The following BID variants were observed in gnomAD, a reference collection of about 807,000 sequenced individuals.
The protein encoded by BID is BH3-interacting domain death agonist.
Under a neutral mutation model 17.4 loss-of-function variants are expected in BID, and 19 were observed. The ratio of observed to expected loss-of-function variants is 1.09; its 90% confidence interval spans 0.76 to 1.60. The LOEUF is 1.60. Among genes scored for constraint, BID ranks in the 40% most tolerant of loss-of-function variants. The pLI is 0.00. For missense variants in BID, 226 were observed against 256.0 expected (o/e 0.88, Z 0.80); for synonymous variants, 108 against 102.8 (o/e 1.05, Z -0.31).
In BID at chr22:17,773,617, G is replaced by A; in HGVS notation, c.-59+764C>T. The A allele has an allele frequency of 3.1e-6, 5 of 1,612,460 alleles. No individual in the cohort carries two copies. The highest frequency in any genetic ancestry group is 2.5e-6 in the Non-Finnish European group (3 of 1,179,930). ...AGCCCCCAGCCCACTTACAGAATCC[G>A]CACTGTGCTCCTCCAGCCGGCCCGG... On this transcript the variant is annotated intron_variant, in intron 1 of 5. Coordinates refer to ENST00000622694, the MANE Select transcript of BID (RefSeq NM_001196.4). The surrounding 1 kb of genome is among the most constrained non-coding windows in gnomAD (Gnocchi z 4.4).
At chr22:17,750,298 C>T in intron 1 of BID, 124 bp from the exon 2 acceptor site, 2 of 775,316 alleles carry the variant, frequency 2.6e-6, no homozygotes, top group East Asian at 5.4e-5. Context: ...TGGCCTGAGC[C>T]CCGCATCCTG....
At chr22:17,744,394 T>C (rs2061482088) in intron 2 of BID, among the ~76,000 whole-genome samples, 1 of 152,250 alleles carries the variant, frequency 6.6e-6, no homozygotes, top group Non-Finnish European at 1.5e-5. Flanking sequence ...GCACGCTTTC[T>C]TCAAGTTCCC....
At chr22:17,771,052 A>G (rs1230761367) in intron 1 of BID, among the ~76,000 whole-genome samples, 4 of 152,194 alleles carry the variant, frequency 2.6e-5, no homozygotes, top group African/African-American at 9.6e-5. Context: ...CGTACCTAAA[A>G]GTGACCAGCC....
chr22:17,773,760 T>C lies in BID; in HGVS notation c.-59+621A>G. Reference sequence around the variant, plus strand: ...TTGGTGGCTGAGGGCTTCAGAGCTCTCCCAGGGTCCCCTGGGGTCATTCAG... The same window carrying C: ...TTGGTGGCTGAGGGCTTCAGAGCTCCCCCAGGGTCCCCTGGGGTCATTCAG... On this transcript the variant is annotated intron_variant, in intron 1 of 5. Transcript: ENST00000622694. The surrounding 1 kb of genome is among the most constrained non-coding windows in gnomAD (Gnocchi z 4.4). The C allele has an allele frequency of 7.0e-7, 1 of 1,435,838 alleles. No homozygotes were observed. The highest frequency in any genetic ancestry group is 9.6e-7 in the Non-Finnish European group (1 of 1,044,302). 88.9% of individuals were successfully genotyped at this position (1,435,838 alleles called of 1,614,324 possible).
intron 1 of BID, among the ~76,000 whole-genome samples, chr22:17,763,681 C>T (rs2061658038): frequency 1.3e-5 from 2 of 151,922 alleles, no homozygotes; most frequent in Non-Finnish European, 2.9e-5. Flanking sequence ...CACTCGCGCC[C>T]TTCTATGCTT....
At chr22:17,771,928 C>T (rs559924342) in intron 1 of BID, among the ~76,000 whole-genome samples, 1 of 152,306 alleles carries the variant, frequency 6.6e-6, no homozygotes, top group East Asian at 1.9e-4. Context: ...GGAGCGAGGC[C>T]ACAGAAAGGC....
rs1222956168 is a variant in BID at position 17,773,024 on chromosome 22, C to T, written c.-59+1357G>A. 2.0e-5 allele frequency among the ~76,000 whole-genome samples: 3 copies of T among 152,214 alleles called. No individual in the cohort carries two copies. The highest frequency in any genetic ancestry group is 7.2e-5 in the African/African-American group (3 of 41,460). ...CGTCTCAGTCACCACTCTCACATCTCATGAACAGAGACACGAGCTGCTTCC... is the reference window on the plus strand; with the variant it reads ...CGTCTCAGTCACCACTCTCACATCTTATGAACAGAGACACGAGCTGCTTCC... On this transcript the variant is annotated intron_variant, in intron 1 of 5. Transcript: ENST00000622694. This position sits in a 1 kb window ranked among gnomAD's most constrained non-coding sequence, Gnocchi z 4.4.
At chr22:17,741,786 AT>A (rs1017247388) in intron 3 of BID, among the ~76,000 whole-genome samples, 23 of 152,146 alleles carry the variant, frequency 1.5e-4, no homozygotes, top group African/African-American at 5.5e-4. Flanking sequence ...TCACTGTAGC[AT>A]TTATAGCCGC....
Position 17,735,389 on chromosome 22 carries a change from G to T in BID, c.*191C>A. Reference sequence around the variant, plus strand: ...CGTGTAAATGGACATTTTCATTCAAGTATATTAATGTAGATATTTTAAAGT... The same window carrying T: ...CGTGTAAATGGACATTTTCATTCAATTATATTAATGTAGATATTTTAAAGT... On this transcript the variant is annotated 3_prime_UTR_variant, in exon 6 of 6. Transcript: ENST00000622694. The T allele has an allele frequency of 1.6e-6, 1 of 616,806 alleles. No individual in the cohort carries two copies. The highest frequency in any genetic ancestry group is 2.8e-6 in the Non-Finnish European group (1 of 354,884). The allele number at this position is 616,806 out of a possible 1,614,324, so 38.2% of individuals were successfully genotyped here. A position where few individuals can be genotyped will look rare whatever the true frequency, so the allele number is the denominator to read the frequency against.
chr22:17,774,331 C>T (rs1188430901), intron 1 of BID, 50 bp downstream of exon 1: 1 of 156,260 alleles, frequency 6.4e-6, no homozygotes, highest in Non-Finnish European at 1.4e-5. Flanking sequence ...AGGCAGGGGT[C>T]ACGGGCTGGG....
At chr22:17,758,921 A>T (rs1004540046) in intron 1 of BID, among the ~76,000 whole-genome samples, 5 of 152,160 alleles carry the variant, frequency 3.3e-5, no homozygotes, top group Non-Finnish European at 5.9e-5. Flanking sequence ...ACCACGATAA[A>T]AAAATATACA....
At chr22:17,737,499 A>C (rs2061428630) in intron 5 of BID, among the ~76,000 whole-genome samples, 1 of 152,102 alleles carries the variant, frequency 6.6e-6, no homozygotes, top group Admixed American at 6.5e-5. Context: ...GGTGTGCGCC[A>C]CCATGCCCGG....
At chr22:17,746,646 G>A (rs2061496928) in intron 2 of BID, among the ~76,000 whole-genome samples, 1 of 152,244 alleles carries the variant, frequency 6.6e-6, no homozygotes, top group African/African-American at 2.4e-5. Context: ...TTTTACAGAT[G>A]TAATCAAGTT....
chr22:17,750,854 T>C (rs1401403252), intron 1 of BID, among the ~76,000 whole-genome samples: 1 of 151,148 alleles, frequency 6.6e-6, no homozygotes, highest in Non-Finnish European at 1.5e-5. Flanking sequence ...CTGGCCAACA[T>C]GGTGAAACCC....
In BID at chr22:17,734,297, A is replaced by G. The variant is rs919160701; in HGVS notation, c.*1283T>C. ...ATATAGAGTTTGTTTTTCCTTTCTG[A>G]TGATTTTAAACTCTTAAAGAACAGG... On this transcript the variant is annotated 3_prime_UTR_variant, in exon 6 of 6. Coordinates refer to ENST00000622694, the MANE Select transcript of BID (RefSeq NM_001196.4). 1.3e-5 allele frequency: 2 copies of G among 149,270 alleles called. No homozygotes were observed. Among genetic ancestry groups the G allele is most frequent in the Non-Finnish European group, 3.0e-5 (2 of 65,982 alleles). 9.2% of individuals were successfully genotyped at this position (149,270 alleles called of 1,614,324 possible). A position where few individuals can be genotyped will look rare whatever the true frequency, so the allele number is the denominator to read the frequency against.
chr22:17,772,159 G>A (rs534399709), intron 1 of BID, among the ~76,000 whole-genome samples: 2 of 152,234 alleles, frequency 1.3e-5, no homozygotes, highest in African/African-American at 2.4e-5. Flanking sequence ...CAAGTGCTCC[G>A]TGAGCGTCCG....
chr22:17,746,798 C>A (rs953282827), intron 2 of BID, among the ~76,000 whole-genome samples: 1 of 152,170 alleles, frequency 6.6e-6, no homozygotes, highest in East Asian at 1.9e-4. Flanking sequence ...GCCAGGAGAG[C>A]GCCCCAGAAG....
At chr22:17,745,948 G>A (rs1008467209) in intron 2 of BID, among the ~76,000 whole-genome samples, 10 of 151,926 alleles carry the variant, frequency 6.6e-5, no homozygotes, top group African/African-American at 9.7e-5. Flanking sequence ...CCTGGGGGAC[G>A]AGAGCCAGAC....
rs544926744 is a variant in BID, at chr22:17,750,878, A to C, written c.-58-704T>G. Among the ~76,000 whole-genome samples the C allele has an allele frequency of 5.9e-5, 9 of 152,144 alleles. No individual in the cohort carries two copies. The East Asian group carries it at 1.7e-3, about 29-fold the overall frequency. On this transcript the variant is annotated intron_variant, in intron 1 of 5. Transcript: ENST00000622694. ...ATGGTGAAACCCCATCTCTACAAAAATACAAAATTAGCCAGGTGTGGTGAT... is the reference window on the plus strand; with the variant it reads ...ATGGTGAAACCCCATCTCTACAAAACTACAAAATTAGCCAGGTGTGGTGAT...
Sources: allele counts gnomAD v4.1 joint callset (sites outside exome capture counted in the v4.1 genomes callset), GRCh38; gene constraint gnomAD v4.1.1; non-coding constraint Gnocchi (gnomAD v3.1); transcripts MANE v1.5; gene names NCBI Gene and HGNC (gene_info 2026-07-23, HGNC 2026-07-21).